The following TET1 variants were observed in gnomAD, a reference collection of about 807,000 sequenced individuals.
TET1 encodes methylcytosine dioxygenase TET1.
TET1 carries 13 observed loss-of-function variants against 148.7 expected under a neutral mutation model. The observed-to-expected ratio is 0.09, with a 90% CI of 0.06 to 0.14. TET1 has a LOEUF of 0.14. TET1 is among the 10% of genes least tolerant of loss of function. The pLI is 1.00. For missense variants in TET1, 2,182 were observed against 2,553.8 expected (o/e 0.85, Z 3.14); for synonymous variants, 907 against 937.2 (o/e 0.97, Z 0.59).
At chr10:68,600,869 G>A in intron 2 of TET1, 112 bp from the exon 3 acceptor site, 1 of 813,990 alleles carries the variant, frequency 1.2e-6, no homozygotes. Context: ...ACATGTTGAT[G>A]ATTTTAAATG....
At position 68,682,877 on chromosome 10, in the gene TET1, C is replaced by T. The variant is rs779431306; in HGVS notation, c.4956C>T (p.Ser1652=). The T allele has an allele frequency of 1.9e-6, 3 of 1,613,792 alleles. No homozygotes were observed. Among genetic ancestry groups the T allele is most frequent in the South Asian group, 2.2e-5 (2 of 90,990 alleles). ...ENVARECRLG[S]KEGRPFSGVT... ...TTGCCCGAGAATGTCGGCTTGGCAG[C>T]AAGGAAGGTCGTCCCTTCTCTGGGG... The change falls in exon 10 of 12, where the codon AGC becomes AGT. Residue 1652 remains serine, a synonymous_variant. Coordinates refer to ENST00000373644, the MANE Select transcript of TET1 (RefSeq NM_030625.3).
chr10:68,597,874 T>C (rs2054006137), intron 2 of TET1, among the ~76,000 whole-genome samples: 1 of 152,132 alleles, frequency 6.6e-6, no homozygotes. Context: ...ATATGAAAAA[T>C]ACTATATGAT....
intron 3 of TET1, among the ~76,000 whole-genome samples, chr10:68,619,580 A>C (rs1564971812): frequency 6.6e-6 from 1 of 152,214 alleles, no homozygotes; most frequent in Non-Finnish European, 1.5e-5. Context: ...ATTGACAAAC[A>C]ATAGTTGCAT....
intron 9 of TET1, among the ~76,000 whole-genome samples, chr10:68,682,605 C>T (rs1337023628): frequency 1.3e-5 from 2 of 152,196 alleles, no homozygotes; most frequent in Non-Finnish European, 2.9e-5. Context: ...TTAGTATCCT[C>T]ACCCTGCCTT....
rs1363353712 is a variant in TET1 at position 68,676,177 on chromosome 10, G to GTA, written c.4824+3133_4824+3134insAT. ...GCCTTTTGTGTGTGTGTGTGTGTGT[G>GTA]TGTGTGTGTATACACAAGATATATA... On this transcript the variant is annotated intron_variant, in intron 8 of 11. Transcript: ENST00000373644. Among the ~76,000 whole-genome samples, 3 of 140,954 alleles carry GTA rather than the reference G, an allele frequency of 2.1e-5. No homozygotes were observed. In the Admixed American group the frequency reaches 2.2e-4, roughly 10 times the overall value. The allele number at this position is 140,954 out of a possible 152,430, so 92.5% of individuals were successfully genotyped here. A position where few individuals can be genotyped will look rare whatever the true frequency, so the allele number is the denominator to read the frequency against.
rs1232027922 is a variant in TET1, at chr10:68,572,898, A to C, written c.560A>C (p.Glu187Ala). Residue 187 changes from glutamate to alanine, a missense_variant, in exon 2 of 12, where the codon GAG becomes GCG. Around this residue, in one of 11 missense-constraint regions of TET1, gnomAD observed 665 missense variants for 672.4 expected, o/e 0.99. Transcript: ENST00000373644. ...NPSLLKGKSQ[E>A]TTQFWSQRVE... is the part of the protein sequence containing the mutation. ...TCTTTACTTAAAGGTAAGAGCCAAG[A>C]GACAACTCAGTTTTGGTCCCAAAGA... The C allele has an allele frequency of 6.2e-7, 1 of 1,614,172 alleles. No individual in the cohort carries two copies. Among genetic ancestry groups the C allele is most frequent in the Non-Finnish European group, 8.5e-7 (1 of 1,180,034 alleles).
intron 9 of TET1, among the ~76,000 whole-genome samples, 198 bp downstream of exon 9, chr10:68,681,686 GC>G (rs1188354804): frequency 6.6e-6 from 1 of 152,036 alleles, no homozygotes; most frequent in African/African-American, 2.4e-5. Flanking sequence ...GTCATTGTTG[GC>G]CAAGCTCGTT....
chr10:68,563,249 A>G (rs570611329), intron 1 of TET1, among the ~76,000 whole-genome samples: 1 of 152,310 alleles, frequency 6.6e-6, no homozygotes, highest in Admixed American at 6.5e-5. Context: ...TTCCCTGAAC[A>G]GCTTTTACAT....
intron 2 of TET1, among the ~76,000 whole-genome samples, chr10:68,586,954 T>C (rs2053868933): frequency 6.6e-6 from 1 of 152,212 alleles, no homozygotes; most frequent in Non-Finnish European, 1.5e-5. Flanking sequence ...GCCATTTTAT[T>C]CATGTTATGT....
intron 2 of TET1, among the ~76,000 whole-genome samples, chr10:68,574,535 C>T (rs2053706559): frequency 6.6e-6 from 1 of 152,094 alleles, no homozygotes; most frequent in Admixed American, 6.6e-5. Flanking sequence ...TTGATGGAAA[C>T]ATAGAGAAAT....
chr10:68,652,873 T>C (rs12571340), intron 6 of TET1, among the ~76,000 whole-genome samples: 1 of 112,312 alleles, frequency 8.9e-6, no homozygotes, highest in East Asian at 2.7e-4. Context: ...TTTTTTTTAG[T>C]GGAGAGCTCA....
intron 8 of TET1, among the ~76,000 whole-genome samples, chr10:68,676,196 A>G (rs1564505891): frequency 9.1e-6 from 1 of 109,816 alleles, no homozygotes; most frequent in South Asian, 3.3e-4. Context: ...TATACACAAG[A>G]TATATATGTA....
At chr10:68,647,541 T>G (rs1589109974) in intron 4 of TET1, among the ~76,000 whole-genome samples, 1 of 151,836 alleles carries the variant, frequency 6.6e-6, no homozygotes, top group African/African-American at 2.4e-5. Context: ...GAGGTGGAGG[T>G]TACAGTGAGC....
At chr10:68,598,779 CT>C (rs2054017802) in intron 2 of TET1, among the ~76,000 whole-genome samples, 1 of 147,216 alleles carries the variant, frequency 6.8e-6, no homozygotes, top group Non-Finnish European at 1.5e-5. Context: ...CAACTACTGT[CT>C]CCTGGGTTCA....
intron 3 of TET1, among the ~76,000 whole-genome samples, chr10:68,607,865 AG>A (rs1396523030): frequency 1.3e-5 from 2 of 150,100 alleles, no homozygotes; most frequent in Non-Finnish European, 3.0e-5. Flanking sequence ...TCATTTTCAA[AG>A]ATTTGATGGT....
At position 68,615,221 on chromosome 10, in the gene TET1, G is replaced by A. The variant is rs117277720; in HGVS notation, c.1968+14187G>A. Among the ~76,000 whole-genome samples, 1,272 of 152,012 alleles carry A rather than the reference G, an allele frequency of 8.4e-3. 24 individuals carry two copies. Among genetic ancestry groups the A allele is most frequent in the Admixed American group, 0.047 (714 of 15,268 alleles). ...GCTGAGATTACAGGCTTGAGCCACC[G>A]CTCCCAGCCTGGCATAGTACACAGT... On this transcript the variant is annotated intron_variant, in intron 3 of 11. Coordinates refer to ENST00000373644, the MANE Select transcript of TET1 (RefSeq NM_030625.3).
chr10:68,611,648 T>G (rs981247630), intron 3 of TET1, among the ~76,000 whole-genome samples: 1 of 143,664 alleles, frequency 7.0e-6, no homozygotes, highest in Admixed American at 7.1e-5. Context: ...CAGAGACCCT[T>G]TCTTTCTTTT....
At chr10:68,584,428 G>A (rs1392738989) in intron 2 of TET1, among the ~76,000 whole-genome samples, 5 of 151,898 alleles carry the variant, frequency 3.3e-5, no homozygotes, top group Non-Finnish European at 7.4e-5. Context: ...AAGAAAATGG[G>A]CTGGGTGCAG....
In TET1 at chr10:68,684,965, C is replaced by A. The variant is rs570317885; in HGVS notation, c.5053-1391C>A. 2.1e-4 allele frequency among the ~76,000 whole-genome samples: 32 copies of A among 152,194 alleles called. No homozygotes were observed. The South Asian group carries it at 4.6e-3, about 22-fold the overall frequency. On this transcript the variant is annotated intron_variant, in intron 10 of 11. Transcript: ENST00000373644. ...TTACCACCATGACAGTTTAATATTGCAGGCTTTCTCCAGGCACCATGGCTC... is the reference window on the plus strand; with the variant it reads ...TTACCACCATGACAGTTTAATATTGAAGGCTTTCTCCAGGCACCATGGCTC...
Sources: gnomAD v4.1 joint callset for allele counts (sites outside exome capture counted in the v4.1 genomes callset) on GRCh38, gnomAD v4.1.1 for gene constraint, gnomAD v4.1.1 regional missense constraint, MANE v1.5 for transcripts, NCBI Gene and HGNC (gene_info 2026-07-23, HGNC 2026-07-21) for gene names.